Variants in CSMD1 observed in about 807,000 individuals in gnomAD.
CSMD1 encodes CUB and Sushi multiple domains 1.
CSMD1 carries 213 observed loss-of-function variants against 417.5 expected under a neutral mutation model. The ratio of observed to expected loss-of-function variants is 0.51; its 90% confidence interval spans 0.46 to 0.57. The LOEUF is 0.57. Among genes scored for constraint, CSMD1 ranks in the 20% least tolerant of loss-of-function variants. The probability of loss-of-function intolerance (pLI) is 0.00; values close to 1 mark genes in which losing one functional copy is unlikely to be tolerated. For synonymous variants in CSMD1, 2,862 were observed against 1,736.8 expected, an observed-to-expected ratio of 1.65 and a Z score of -16.11; for missense variants, 6,923 against 4,529.7, an observed-to-expected ratio of 1.53 and a Z score of -15.17.
intron 1 of CSMD1, among the ~76,000 whole-genome samples, chr8:4,798,350 T>C (rs934758604): frequency 6.6e-5 from 10 of 152,228 alleles, no homozygotes; most frequent in African/African-American, 2.4e-4. Flanking sequence ...CTCATCCTTT[T>C]TTATGGCTGC....
intron 2 of CSMD1, among the ~76,000 whole-genome samples, chr8:4,617,255 A>G (rs1176807068): frequency 6.6e-6 from 1 of 152,312 alleles, no homozygotes; most frequent in East Asian, 1.9e-4. Flanking sequence ...AATCTTTAAG[A>G]GCGATTACTT....
At chr8:4,078,170 A>T (rs1039238939) in intron 3 of CSMD1, among the ~76,000 whole-genome samples, 31 of 152,196 alleles carry the variant, frequency 2.0e-4, no homozygotes, top group African/African-American at 6.5e-4. Context: ...ATGGCAATTC[A>T]GTTTGCTATT....
intron 2 of CSMD1, among the ~76,000 whole-genome samples, chr8:4,617,376 C>G (rs1801529575): frequency 6.6e-6 from 1 of 152,166 alleles, no homozygotes; most frequent in Admixed American, 6.5e-5. Flanking sequence ...ACAACCTCAT[C>G]TAACACTGGA....
chr8:4,630,606 T>A (rs1476356829), intron 2 of CSMD1, among the ~76,000 whole-genome samples: 1 of 152,178 alleles, frequency 6.6e-6, no homozygotes, highest in Non-Finnish European at 1.5e-5. Flanking sequence ...AAAATTACAT[T>A]TTATTTCATC....
At chr8:3,695,497 A>C (rs1318975991) in intron 7 of CSMD1, among the ~76,000 whole-genome samples, 1 of 152,184 alleles carries the variant, frequency 6.6e-6, no homozygotes, top group Non-Finnish European at 1.5e-5. Context: ...TATGATAATT[A>C]GCGTTTATCA....
At chr8:4,815,945 G>T (rs556445745) in intron 1 of CSMD1, among the ~76,000 whole-genome samples, 1 of 152,172 alleles carries the variant, frequency 6.6e-6, no homozygotes, top group East Asian at 1.9e-4. Flanking sequence ...CTGGAAAGTG[G>T]ATTAATATTT....
At chr8:3,505,570 T>G (rs1796790077) in intron 10 of CSMD1, among the ~76,000 whole-genome samples, 1 of 152,138 alleles carries the variant, frequency 6.6e-6, no homozygotes, top group African/African-American at 2.4e-5. Context: ...GAATTCACAC[T>G]AACAACACCA....
chr8:4,459,135 T>C (rs1271061225), intron 2 of CSMD1, among the ~76,000 whole-genome samples: 1 of 152,174 alleles, frequency 6.6e-6, no homozygotes, highest in Non-Finnish European at 1.5e-5. Flanking sequence ...CACCATCCTT[T>C]CTCATCCTCA....
chr8:4,764,735 T>C (rs1812329731), intron 1 of CSMD1, among the ~76,000 whole-genome samples: 1 of 149,456 alleles, frequency 6.7e-6, no homozygotes, highest in South Asian at 2.1e-4. Context: ...TAGCCGGGTG[T>C]TGTGGCGGCT....
At chr8:3,113,833 T>C (rs1353852156) in intron 42 of CSMD1, among the ~76,000 whole-genome samples, 1 of 152,204 alleles carries the variant, frequency 6.6e-6, no homozygotes, top group Non-Finnish European at 1.5e-5. Flanking sequence ...AGGAAACATC[T>C]CTTTATTGTG....
At chr8:4,595,519 C>T (rs1201995558) in intron 2 of CSMD1, among the ~76,000 whole-genome samples, 4 of 152,030 alleles carry the variant, frequency 2.6e-5, no homozygotes, top group Non-Finnish European at 4.4e-5. Context: ...TTGCTTCATG[C>T]TAATGTCTAC....
At chr8:3,799,120 G>A (rs182121044) in intron 5 of CSMD1, among the ~76,000 whole-genome samples, 5 of 152,036 alleles carry the variant, frequency 3.3e-5, no homozygotes, top group Admixed American at 1.3e-4. Context: ...TTGCTACATA[G>A]TTTAATAGTT....
At chr8:3,343,951 G>A (rs1046182208) in intron 22 of CSMD1, among the ~76,000 whole-genome samples, 1 of 152,182 alleles carries the variant, frequency 6.6e-6, no homozygotes. Flanking sequence ...TCTGTAGTCT[G>A]CAAGCCTCCG....
At chr8:3,728,732 G>C (rs1015203058) in intron 6 of CSMD1, among the ~76,000 whole-genome samples, 1 of 152,158 alleles carries the variant, frequency 6.6e-6, no homozygotes, top group African/African-American at 2.4e-5. Flanking sequence ...GGTGGGCATG[G>C]TCTGTCTTAA....
At chr8:3,499,552 C>T (rs1181459914) in intron 10 of CSMD1, among the ~76,000 whole-genome samples, 1 of 152,018 alleles carries the variant, frequency 6.6e-6, no homozygotes, top group Non-Finnish European at 1.5e-5. Context: ...AGTCCTTGGT[C>T]TCCTGCAAGA....
intron 15 of CSMD1, 145 bp from the exon 16 acceptor site, chr8:3,399,674 CTG>C: frequency 3.2e-6 from 2 of 616,428 alleles, no homozygotes; most frequent in South Asian, 6.6e-5. Flanking sequence ...CCCAAGGAAA[CTG>C]TACATTTATT....
At chr8:4,194,742 T>A (rs1799231742) in intron 3 of CSMD1, among the ~76,000 whole-genome samples, 1 of 151,776 alleles carries the variant, frequency 6.6e-6, no homozygotes, top group African/African-American at 2.4e-5. Flanking sequence ...ATTTCATTAT[T>A]TAAATAAACA....
intron 5 of CSMD1, among the ~76,000 whole-genome samples, chr8:3,885,977 G>A (rs1032269097): frequency 5.3e-5 from 8 of 151,754 alleles, no homozygotes; most frequent in East Asian, 1.9e-4. Context: ...AAGCAATATT[G>A]ATTCAAATTA....
intron 1 of CSMD1, among the ~76,000 whole-genome samples, chr8:4,674,834 C>G (rs1166092032): frequency 1.3e-5 from 2 of 151,450 alleles, no homozygotes; most frequent in Non-Finnish European, 2.9e-5. Flanking sequence ...AATGTGATAT[C>G]TGGAGGTGGG....
Sources: allele counts gnomAD v4.1 joint callset (sites outside exome capture counted in the v4.1 genomes callset), GRCh38; gene constraint gnomAD v4.1.1; transcripts MANE v1.5; gene names NCBI Gene and HGNC (gene_info 2026-07-23, HGNC 2026-07-21).